Variants in SLC28A3 observed in about 807,000 individuals in gnomAD.
SLC28A3 encodes solute carrier family 28 member 3.
SLC28A3 carries 68 observed loss-of-function variants against 84.2 expected under a neutral mutation model. That is an observed-to-expected ratio of 0.81 (90% CI 0.66 to 0.99). The LOEUF is 0.99. SLC28A3 is among the 50% of genes least tolerant of loss of function. SLC28A3 has a pLI of 0.00. For synonymous variants in SLC28A3, 267 were observed against 303.6 expected (o/e 0.88, Z 1.25); for missense variants, 712 against 841.5 (o/e 0.85, Z 1.90).
intron 1 of SLC28A3, among the ~76,000 whole-genome samples, chr9:84,337,109 T>C (rs929526294): frequency 5.9e-5 from 9 of 152,154 alleles, no homozygotes; most frequent in East Asian, 1.9e-4. Context: ...CCTGGTAAGA[T>C]AGCAAGACAA....
chr9:84,295,536 T>C lies in SLC28A3; in HGVS notation c.862-1261A>G, dbSNP rs894661351. Among the ~76,000 whole-genome samples the C allele has an allele frequency of 3.9e-5, 6 of 152,126 alleles. No homozygotes were observed. In the East Asian group the frequency reaches 9.6e-4, roughly 24 times the overall value. On this transcript the variant is annotated intron_variant, in intron 8 of 17. Transcript: ENST00000376238. ...GGAGGCAGAAGTTGCAGAGCCGAGA[T>C]TGTGCCATTGCACTCCAGCCTGGAT... is the stretch of plus-strand genomic sequence containing the variant.
chr9:84,277,312 T>C lies in SLC28A3; in HGVS notation c.*906A>G, dbSNP rs1244615924. ...TTCACTATCCCTCCCTATGACAGGA[T>C]AATTTAACTGTGGTGACTGACATCG... On this transcript the variant is annotated 3_prime_UTR_variant, in exon 18 of 18. Coordinates refer to ENST00000376238, the MANE Select transcript of SLC28A3 (RefSeq NM_001199633.2). The C allele has an allele frequency of 6.6e-6, 1 of 152,232 alleles. No homozygotes were observed. Among genetic ancestry groups the C allele is most frequent in the Non-Finnish European group, 1.5e-5 (1 of 68,044 alleles). The allele number at this position is 152,232 out of a possible 1,614,324, so 9.4% of individuals were successfully genotyped here.
intron 1 of SLC28A3, among the ~76,000 whole-genome samples, chr9:84,320,377 A>G (rs1275838117): frequency 6.6e-6 from 1 of 152,048 alleles, no homozygotes; most frequent in Admixed American, 6.6e-5. Flanking sequence ...TTACTACTCC[A>G]TGGAAATCAC....
intron 1 of SLC28A3, among the ~76,000 whole-genome samples, chr9:84,329,122 T>C (rs1826680981): frequency 6.6e-6 from 1 of 152,138 alleles, no homozygotes; most frequent in Admixed American, 6.5e-5. Flanking sequence ...ACAACAATTG[T>C]TACTAGAGAC....
intron 1 of SLC28A3, among the ~76,000 whole-genome samples, chr9:84,327,884 C>T (rs1404287065): frequency 2.7e-5 from 4 of 145,968 alleles, no homozygotes; most frequent in Non-Finnish European, 5.9e-5. Context: ...CAACATTGTG[C>T]CACCTCACTC....
intron 1 of SLC28A3, among the ~76,000 whole-genome samples, chr9:84,328,156 T>TACAC (rs71498096): frequency 0.11 from 14,693 of 131,830 alleles, 907 homozygotes; most frequent in Non-Finnish European, 0.13. Flanking sequence ...GGGAAAAGAC[T>TACAC]ACACACACAC....
intron 3 of SLC28A3, among the ~76,000 whole-genome samples, chr9:84,307,962 C>T (rs962673828): frequency 3.3e-5 from 5 of 152,142 alleles, no homozygotes; most frequent in African/African-American, 7.2e-5. Context: ...TCAGTACCTC[C>T]GGGTCAGAGA....
intron 1 of SLC28A3, among the ~76,000 whole-genome samples, chr9:84,330,892 G>T (rs1474289594): frequency 6.6e-6 from 1 of 152,022 alleles, no homozygotes; most frequent in East Asian, 1.9e-4. Context: ...TACATATCTG[G>T]CTAGTGTTAC....
At chr9:84,363,979 T>G in the SLC28A3 span, among the ~76,000 whole-genome samples, 1 of 152,126 alleles carries the variant, frequency 6.6e-6, no homozygotes, top group Non-Finnish European at 1.5e-5. Flanking sequence ...TTTTTGTGGG[T>G]GCATAGTAGG....
intron 1 of SLC28A3, among the ~76,000 whole-genome samples, chr9:84,332,559 C>G (rs1826830887): frequency 6.6e-6 from 1 of 152,108 alleles, no homozygotes; most frequent in African/African-American, 2.4e-5. Context: ...ATGAAGGTAA[C>G]TACCAGAAGG....
At chr9:84,362,917 A>G in the SLC28A3 span, among the ~76,000 whole-genome samples, 1 of 152,164 alleles carries the variant, frequency 6.6e-6, no homozygotes, top group Non-Finnish European at 1.5e-5. Flanking sequence ...TAACAGATTT[A>G]TAAATCTAAT....
At chr9:84,285,304 G>T in intron 14 of SLC28A3, 41 bp downstream of exon 14, 1 of 1,579,636 alleles carries the variant, frequency 6.3e-7, no homozygotes, top group Non-Finnish European at 8.7e-7. Flanking sequence ...ATGCAGGTAT[G>T]TGATGAAGAA....
intron 15 of SLC28A3, 43 bp downstream of exon 15, chr9:84,280,758 C>G: frequency 6.3e-7 from 1 of 1,596,764 alleles, no homozygotes; most frequent in Non-Finnish European, 8.6e-7. Flanking sequence ...CCAAGTATGT[C>G]TATGGCACAT....
intron 14 of SLC28A3, among the ~76,000 whole-genome samples, chr9:84,283,499 G>A (rs911577199): frequency 3.9e-5 from 6 of 152,370 alleles, no homozygotes; most frequent in South Asian, 2.1e-4. Context: ...AAAGGACAAG[G>A]TTAAAAACAG....
Position 84,309,703 on chromosome 9 carries a change from C to A in SLC28A3, c.168G>T (p.Gln56His). The change falls in exon 3 of 18, where the codon CAG (glutamine) becomes CAT (histidine). Residue 56 changes from glutamine to histidine, a missense_variant. By Grantham distance (24) the Gln-to-His change is conservative (BLOSUM62 0). Transcript: ENST00000376238. ...EHTNTKQDEEQVTVEQDSPRN... is the reference protein window; with the variant it reads ...EHTNTKQDEEHVTVEQDSPRN... ...TTGGAGAATCCTGCTCAACTGTGAC[C>A]TGTTCTTCATCCTGGAAATCAAACA... 6.2e-7 allele frequency: 1 copy of A among 1,613,720 alleles called. No homozygotes were observed. Among genetic ancestry groups the A allele is most frequent in the Non-Finnish European group, 8.5e-7 (1 of 1,179,862 alleles).
intron 1 of SLC28A3, among the ~76,000 whole-genome samples, chr9:84,324,753 T>C (rs1356811254): frequency 2.0e-5 from 3 of 152,120 alleles, no homozygotes; most frequent in Non-Finnish European, 4.4e-5. Context: ...TGACCGTACA[T>C]CTTCATAGGT....
At chr9:84,345,237 CAAA>C (rs386415324), upstream of SLC28A3, among the ~76,000 whole-genome samples, 1 of 138,722 alleles carries the variant, frequency 7.2e-6, no homozygotes, top group Admixed American at 7.3e-5. Flanking sequence ...TTACCAAAGG[CAAA>C]AAAAAAAAAA....
chr9:84,343,594 A>T (rs1321551358), upstream of SLC28A3, among the ~76,000 whole-genome samples: 1 of 152,216 alleles, frequency 6.6e-6, no homozygotes. Flanking sequence ...AGAGCTAAGA[A>T]TGGGTTTTAG....
chr9:84,347,713 T>G, the SLC28A3 span, among the ~76,000 whole-genome samples: 1 of 152,210 alleles, frequency 6.6e-6, no homozygotes, highest in African/African-American at 2.4e-5. Context: ...GGTGTCGGGC[T>G]GCTATATTGA....
Sources: allele counts gnomAD v4.1 joint callset (sites outside exome capture counted in the v4.1 genomes callset), GRCh38; gene constraint gnomAD v4.1.1; transcripts MANE v1.5; gene names NCBI Gene and HGNC (gene_info 2026-07-23, HGNC 2026-07-21).